Variants in MAP3K19 observed in about 807,000 individuals in gnomAD.
MAP3K19 encodes the protein SPS1/STE20-related protein kinase YSK4.
Under a neutral mutation model 114.4 loss-of-function variants are expected in MAP3K19, and 91 were observed. The ratio of observed to expected loss-of-function variants is 0.80; its 90% CI spans 0.67 to 0.95. MAP3K19 has a LOEUF of 0.95. Among genes scored for constraint, MAP3K19 ranks in the 40% least tolerant of loss-of-function variants. MAP3K19 has a pLI of 0.00. For synonymous variants in MAP3K19, 518 were observed against 530.5 expected, an observed-to-expected ratio of 0.98 and a Z score of 0.32; for missense variants, 1,471 against 1,573.2, an observed-to-expected ratio of 0.94 and a Z score of 1.10.
At chr2:134,983,853 G>A in intron 10 of MAP3K19, 28 bp from the exon 11 acceptor site, 2 of 1,524,610 alleles carry the variant, frequency 1.3e-6, no homozygotes, top group Non-Finnish European at 1.8e-6. Flanking sequence ...AAGGAAAGAT[G>A]ACCATTAAAC....
intron 4 of MAP3K19, chr2:135,023,233 C>T (rs559455739): frequency 2.9e-6 from 1 of 340,060 alleles, no homozygotes; most frequent in South Asian, 2.4e-5. Context: ...AATCTCTTTT[C>T]CAATTTAACA....
At position 134,999,102 on chromosome 2, in the gene MAP3K19, T is replaced by A; in HGVS notation, c.315-105A>T. On this transcript the variant is annotated intron_variant, in intron 7 of 12. Coordinates refer to ENST00000392915, the MANE Select transcript of MAP3K19 (RefSeq NM_025052.5). This position sits in a 1 kb window ranked among gnomAD's most constrained non-coding sequence, Gnocchi z 4.1. ...TCACTAGAAAGTTTGAAGAACTACT[T>A]CCAAATGGTGCTGCTGAAAGGAAAG... 1 of 1,284,202 alleles carries A rather than the reference T, an allele frequency of 7.8e-7. No homozygotes were observed. Among genetic ancestry groups the A allele is most frequent in the East Asian group, 2.3e-5 (1 of 43,272 alleles). 79.6% of individuals were successfully genotyped at this position (1,284,202 alleles called of 1,614,324 possible).
At chr2:135,003,577 C>T (rs1372117700) in intron 6 of MAP3K19, among the ~76,000 whole-genome samples, 16 of 146,254 alleles carry the variant, frequency 1.1e-4, no homozygotes, top group East Asian at 6.1e-4. Flanking sequence ...TGTTTTGAGA[C>T]GGAGCCTCAC....
chr2:135,015,712 G>A, intron 5 of MAP3K19, among the ~76,000 whole-genome samples: 1 of 151,994 alleles, frequency 6.6e-6, no homozygotes, highest in African/African-American at 2.4e-5. Context: ...GGCCAACATA[G>A]TGAAACCCCA....
intron 5 of MAP3K19, among the ~76,000 whole-genome samples, chr2:135,015,341 T>A (rs1192350312): frequency 6.6e-6 from 1 of 152,044 alleles, no homozygotes; most frequent in Non-Finnish European, 1.5e-5. Flanking sequence ...TTTAGACATC[T>A]TTTTTTTGCT....
chr2:134,986,640 C>G lies in MAP3K19; in HGVS notation c.2232G>C (p.Lys744Asn). The G allele has an allele frequency of 5.0e-6, 8 of 1,614,174 alleles. No individual in the cohort carries two copies. Among genetic ancestry groups the G allele is most frequent in the Non-Finnish European group, 6.8e-6 (8 of 1,180,032 alleles). ...GGTTGCTATGTACAGCCTTGGAACT[C>G]TTTTCTTTAGAAATTAAGACTTTGT... Reference protein sequence around the residue: ...QEHKVLISKEKSSKAVHSNLH... With the variant: ...QEHKVLISKENSSKAVHSNLH... Residue 744 changes from lysine to asparagine, a missense_variant, in exon 10 of 13, where the codon AAG becomes AAC. Transcript: ENST00000392915.
chr2:134,987,610 GAAA>G lies in MAP3K19; in HGVS notation c.1259_1261del (p.Val420_Ser421delinsAla), dbSNP rs1685242534. ...TTCCATTGCTTCATTTTTATGTAAT[GAAA>G]CTCTTTTTGAAGCAGCTTTATTATT... On this transcript the variant is annotated inframe_deletion, in exon 10 of 13. Transcript: ENST00000392915. The G allele has an allele frequency of 2.5e-6, 4 of 1,613,910 alleles. No homozygotes were observed. The South Asian group carries it at 4.4e-5, about 18-fold the overall frequency.
intron 1 of MAP3K19, among the ~76,000 whole-genome samples, chr2:135,043,639 G>T (rs1688688039): frequency 6.6e-6 from 1 of 152,080 alleles, no homozygotes; most frequent in Admixed American, 6.6e-5. Flanking sequence ...GTAAATTAGG[G>T]TTCACTCTTG....
rs200032178 is a variant in MAP3K19 at position 135,033,329 on chromosome 2, G to A, written c.-283-2829C>T. ...CCAGTAGGAGCGGCTGGGCAGAGGC[G>A]CCCCTCACCTCCCGGACGGGGCAGC... is the stretch of plus-strand genomic sequence containing the variant. On this transcript the variant is annotated intron_variant, in intron 2 of 12. Coordinates refer to ENST00000392915, the MANE Select transcript of MAP3K19 (RefSeq NM_025052.5). Among the ~76,000 whole-genome samples, 8 of 120,496 alleles carry A rather than the reference G, an allele frequency of 6.6e-5. 1 individual carries two copies. The highest frequency in any genetic ancestry group is 1.1e-4 in the Non-Finnish European group (7 of 62,542). 79.1% of individuals were successfully genotyped at this position (120,496 alleles called of 152,430 possible). A position where few individuals can be genotyped will look rare whatever the true frequency, so the allele number is the denominator to read the frequency against.
Position 135,024,638 on chromosome 2 carries a change from T to C in MAP3K19, c.10A>G (p.Met4Val), listed in dbSNP as rs943243460. The C allele has an allele frequency of 1.2e-6, 2 of 1,613,682 alleles. No individual in the cohort carries two copies. The highest frequency in any genetic ancestry group is 3.3e-5 in the Admixed American group (2 of 59,986). The part of the protein sequence containing the change: MSS[M>V]PKPERHAESL... ...TGAAAGTATTTACCTGGTTTTGGCATAGAACTCATTAAAATGTCCAAAAGC... is the reference window on the plus strand; with the variant it reads ...TGAAAGTATTTACCTGGTTTTGGCACAGAACTCATTAAAATGTCCAAAAGC... Residue 4 changes from methionine to valine, a missense_variant, in exon 4 of 13, where the codon ATG (methionine) becomes GTG (valine). Coordinates refer to ENST00000392915, the MANE Select transcript of MAP3K19 (RefSeq NM_025052.5).
At chr2:134,968,906 T>A (rs1683642668) in intron 12 of MAP3K19, among the ~76,000 whole-genome samples, 1 of 127,476 alleles carries the variant, frequency 7.8e-6, no homozygotes, top group Non-Finnish European at 1.7e-5. Flanking sequence ...TCCCAGACGA[T>A]GGGCGGCCAG....
In MAP3K19 at chr2:134,986,412, AC is replaced by A. The variant is rs1337272110; in HGVS notation, c.2459del (p.Gly820ValfsTer62). 1 of 1,613,902 alleles carries A rather than the reference AC, an allele frequency of 6.2e-7. No homozygotes were observed. Among genetic ancestry groups the A allele is most frequent in the Non-Finnish European group, 8.5e-7 (1 of 1,180,034 alleles). The stretch of plus-strand genomic sequence containing the variant: ...TTTGATTGTTAGAAATGTCTCTATC[AC>A]CAGTAGACTCTTCCATAGAAACTTC... ...VEEVSMEEST[G>X]DRDISNNQIL... On this transcript the variant is annotated frameshift_variant, in exon 10 of 13. Transcript: ENST00000392915. LOFTEE classifies it high-confidence loss of function.
In MAP3K19 at chr2:134,998,777, C is replaced by A; in HGVS notation, c.535G>T (p.Ala179Ser). Residue 179 changes from alanine (A) to serine (S), a missense_variant, in exon 8 of 13, where the codon GCT becomes TCT. Ala to Ser is a moderately conservative substitution (Grantham distance 99, BLOSUM62 1). Transcript: ENST00000392915. The stretch of plus-strand genomic sequence containing the variant: ...TGCTGCTCCTTCAGAAAATGAGGAG[C>A]ATCTTCTCTGGTTACAGACTTGGAA... ...NISKSVTRED[A>S]PHFLKEQQRK... The A allele has an allele frequency of 1.2e-6, 2 of 1,604,622 alleles. No homozygotes were observed. The highest frequency in any genetic ancestry group is 1.3e-5 in the African/African-American group (1 of 74,604).
intron 10 of MAP3K19, among the ~76,000 whole-genome samples, chr2:134,985,564 A>G (rs767727952): frequency 2.0e-5 from 3 of 152,242 alleles, no homozygotes; most frequent in Admixed American, 6.5e-5. Context: ...AACCAAACTG[A>G]TTTCATTGCA....
intron 5 of MAP3K19, among the ~76,000 whole-genome samples, chr2:135,008,755 CCTT>C (rs1321947105): frequency 6.6e-6 from 1 of 151,248 alleles, no homozygotes; most frequent in Non-Finnish European, 1.5e-5. Context: ...TATTGTTTTC[CCTT>C]CTTTTCACAG....
At chr2:134,965,006 A>C in intron 12 of MAP3K19, 90 bp from the exon 13 acceptor site, 2 of 961,858 alleles carry the variant, frequency 2.1e-6, no homozygotes, top group African/African-American at 3.2e-5. Flanking sequence ...TTAAAGACGG[A>C]AATACAACTT....
At chr2:134,991,678 T>G in intron 8 of MAP3K19, 98 bp from the exon 9 acceptor site, 1 of 969,960 alleles carries the variant, frequency 1.0e-6, no homozygotes, top group South Asian at 1.4e-5. Flanking sequence ...TGCTAAGGGG[T>G]CTGAGGAAAA....
In MAP3K19 at chr2:134,988,189, T is replaced by C. The variant is rs759548488; in HGVS notation, c.683A>G (p.His228Arg). ...TCTTTCTTTTTCTTTTGGAAACTTG[T>C]GATTTTGGGGGATAGTAAGGACACC... The part of the protein sequence containing the change: ...RSGVLTIPQN[H>R]KFPKEKERNI... Residue 228 changes from histidine (H) to arginine (R), a missense_variant, in exon 10 of 13, where the codon CAC becomes CGC. Physicochemically the swap from His to Arg is conservative, Grantham distance 29. Transcript: ENST00000392915. The C allele has an allele frequency of 1.9e-6, 3 of 1,612,098 alleles. No homozygotes were observed. In the South Asian group the frequency reaches 3.3e-5, roughly 18 times the overall value.
intron 6 of MAP3K19, among the ~76,000 whole-genome samples, chr2:135,001,749 GAAC>G (rs1686459883): frequency 6.6e-6 from 1 of 152,212 alleles, no homozygotes; most frequent in Admixed American, 6.5e-5. Context: ...CCATATTTAA[GAAC>G]AACTGTACTT....
Sources: allele counts gnomAD v4.1 joint callset (sites outside exome capture counted in the v4.1 genomes callset), GRCh38; gene constraint gnomAD v4.1.1; non-coding constraint Gnocchi (gnomAD v3.1); transcripts MANE v1.5; gene names NCBI Gene and HGNC (gene_info 2026-07-23, HGNC 2026-07-21).